The following FFAR1 variants were observed in gnomAD, a reference collection of about 807,000 sequenced individuals.
FFAR1 encodes the protein free fatty acid receptor 1.
For missense variants in FFAR1, 424 were observed against 396.2 expected (o/e 1.07, Z -0.60); for synonymous variants, 216 against 201.5 (o/e 1.07, Z -0.61).
At chr19:35,352,802 G>T in exon 1 of FFAR1, 1 of 366,900 alleles carries the variant, frequency 2.7e-6, no homozygotes, top group Non-Finnish European at 5.1e-6. Flanking sequence ...GTCTGTTTCT[G>T]ACCCACAGGA....
chr19:35,348,185 C>T (rs931388451), upstream of FFAR1, among the ~76,000 whole-genome samples: 1 of 152,216 alleles, frequency 6.6e-6, no homozygotes, highest in East Asian at 1.9e-4. Flanking sequence ...GCTCAGTACC[C>T]GGACGGTAAC....
exon 1 of FFAR1, chr19:35,351,772 T>A: frequency 6.3e-7 from 1 of 1,576,116 alleles, no homozygotes; most frequent in Non-Finnish European, 8.6e-7. Context: ...GCCTGGCCTC[T>A]GCCGGCCTCG....
chr19:35,352,370 G>A, exon 1 of FFAR1: 2 of 1,553,146 alleles, frequency 1.3e-6, no homozygotes, highest in Non-Finnish European at 8.7e-7. Context: ...TGCTTAATCC[G>A]CTGGTGACCG....
exon 1 of FFAR1, chr19:35,352,587 GCGGCGC>G: frequency 1.0e-6 from 1 of 958,666 alleles, no homozygotes. Flanking sequence ...CAAGCAGAGA[GCGGCGC>G]CTGCTGAGGG....
chr19:35,351,846 G>A (rs1568495788), exon 1 of FFAR1: 1 of 1,611,496 alleles, frequency 6.2e-7, no homozygotes, highest in South Asian at 1.1e-5. Flanking sequence ...CTTCCTGGCC[G>A]CCCTGAGTGC....
chr19:35,351,542 C>T (rs1210974416), upstream of FFAR1: 1 of 1,539,036 alleles, frequency 6.5e-7, no homozygotes, highest in Non-Finnish European at 8.7e-7. Flanking sequence ...CAGGCCAGGA[C>T]GGCGGCCCCA....
exon 1 of FFAR1, chr19:35,351,819 C>G: frequency 6.2e-7 from 1 of 1,609,196 alleles, no homozygotes; most frequent in Non-Finnish European, 8.5e-7. Context: ...CTTCTTCCCA[C>G]TCTATGCCGG....
At chr19:35,350,265 G>A (rs759440235), upstream of FFAR1, among the ~76,000 whole-genome samples, 1 of 152,200 alleles carries the variant, frequency 6.6e-6, no homozygotes, top group Non-Finnish European at 1.5e-5. Context: ...CGGAAGCAGA[G>A]GGAGAACAGA....
chr19:35,352,075 ACCCGGCCTCTGCCGG>A (rs2145692427), exon 1 of FFAR1: 1 of 1,612,118 alleles, frequency 6.2e-7, no homozygotes, highest in East Asian at 2.2e-5. Context: ...GAGGCCTGGG[ACCCGGCCTCTGCCGG>A]CCCGGCCCGC....
At chr19:35,349,136 A>G (rs1483273442), upstream of FFAR1, among the ~76,000 whole-genome samples, 1 of 152,084 alleles carries the variant, frequency 6.6e-6, no homozygotes, top group Non-Finnish European at 1.5e-5. Context: ...AGGTTCCCAA[A>G]CACCTGCTGT....
At chr19:35,350,281 C>CT (rs1347584800), upstream of FFAR1, among the ~76,000 whole-genome samples, 2 of 152,190 alleles carry the variant, frequency 1.3e-5, no homozygotes, top group East Asian at 1.9e-4. Flanking sequence ...ACAGAGGGGC[C>CT]CTCCTCGCAA....
At chr19:35,349,013 G>A (rs572963164), upstream of FFAR1, among the ~76,000 whole-genome samples, 3 of 152,262 alleles carry the variant, frequency 2.0e-5, no homozygotes, top group African/African-American at 7.2e-5. Context: ...GTGAAGAGCA[G>A]GTGAAGAGCA....
chr19:35,349,139 C>G (rs4806131), upstream of FFAR1, among the ~76,000 whole-genome samples: 2,422 of 152,276 alleles, frequency 0.016, 37 homozygotes, highest in East Asian at 0.095. Context: ...TTCCCAAACA[C>G]CTGCTGTGCA....
chr19:35,353,780 G>A (rs2066954721), exon 1 of FFAR1: 1 of 152,236 alleles, frequency 6.6e-6, no homozygotes, highest in African/African-American at 2.4e-5. Flanking sequence ...CTTGGAAGCA[G>A]CTCTGGCATC....
chr19:35,351,489 C>T, upstream of FFAR1: 1 of 1,502,858 alleles, frequency 6.7e-7, no homozygotes, highest in Non-Finnish European at 8.9e-7. Flanking sequence ...TCCGGGGCCC[C>T]AAGATCTGAG....
chr19:35,352,439 C>T, exon 1 of FFAR1: 1 of 1,553,758 alleles, frequency 6.4e-7, no homozygotes, highest in Admixed American at 2.0e-5. Flanking sequence ...CGCAAGGGGG[C>T]AAGTCCCAGA....
upstream of FFAR1, among the ~76,000 whole-genome samples, chr19:35,348,816 G>GT (rs1280935065): frequency 2.0e-5 from 3 of 152,304 alleles, no homozygotes; most frequent in African/African-American, 7.2e-5. Context: ...GCCGCCAAGG[G>GT]TTTTTAAGGC....
chr19:35,351,147 A>G (rs1021662877), upstream of FFAR1, among the ~76,000 whole-genome samples: 3 of 152,124 alleles, frequency 2.0e-5, no homozygotes, highest in Non-Finnish European at 4.4e-5. Flanking sequence ...TTCCCAGGGA[A>G]GGCTCAGGCT....
chr19:35,351,330 G>T (rs1231021795), upstream of FFAR1, among the ~76,000 whole-genome samples: 1 of 152,170 alleles, frequency 6.6e-6, no homozygotes, highest in Non-Finnish European at 1.5e-5. Flanking sequence ...AGGACTGGGG[G>T]CCACAGGTCC....
Sources: gnomAD v4.1 joint callset for allele counts (sites outside exome capture counted in the v4.1 genomes callset) on GRCh38, gnomAD v4.1.1 for gene constraint, MANE v1.5 for transcripts, NCBI Gene and HGNC (gene_info 2026-07-23, HGNC 2026-07-21) for gene names.